Variants in DHRS7B observed in about 807,000 individuals in gnomAD.
DHRS7B encodes dehydrogenase/reductase 7B.
Under a neutral mutation model 26.4 loss-of-function variants are expected in DHRS7B, and 24 were observed. That is an observed-to-expected ratio of 0.91 (90% CI 0.66 to 1.28). The LOEUF (loss-of-function observed/expected upper bound fraction) is 1.28. Among genes scored for constraint, DHRS7B ranks in the 50% most tolerant of loss-of-function variants. The pLI is 0.00. For synonymous variants in DHRS7B, 142 were observed against 166.4 expected, an observed-to-expected ratio of 0.85 and a Z score of 1.13; for missense variants, 368 against 419.4, an observed-to-expected ratio of 0.88 and a Z score of 1.07.
chr17:21,163,996 T>C (rs1974053652), intron 1 of DHRS7B, among the ~76,000 whole-genome samples: 1 of 147,432 alleles, frequency 6.8e-6, no homozygotes, highest in South Asian at 2.2e-4. Context: ...GCTATGCTGC[T>C]CAATCTTGAG....
chr17:21,189,707 G>A (rs1415332878), intron 6 of DHRS7B, among the ~76,000 whole-genome samples: 1 of 152,220 alleles, frequency 6.6e-6, no homozygotes, highest in Non-Finnish European at 1.5e-5. Context: ...GAGGCATGGG[G>A]CTTCATACAG....
chr17:21,181,500 C>T (rs117376633), intron 3 of DHRS7B, among the ~76,000 whole-genome samples: 2,301 of 152,294 alleles, frequency 0.015, 40 homozygotes, highest in South Asian at 0.067. Flanking sequence ...CTTCTTGCCA[C>T]ATCTTAACAT....
At chr17:21,173,568 G>T (rs571383242) in intron 2 of DHRS7B, among the ~76,000 whole-genome samples, 1 of 152,328 alleles carries the variant, frequency 6.6e-6, no homozygotes, top group Non-Finnish European at 1.5e-5. Context: ...GTGGGTCTTT[G>T]TGGTGGAAGT....
At chr17:21,167,471 G>A (rs1321967554) in intron 1 of DHRS7B, among the ~76,000 whole-genome samples, 1 of 152,220 alleles carries the variant, frequency 6.6e-6, no homozygotes, top group Non-Finnish European at 1.5e-5. Flanking sequence ...AGTCTCATCA[G>A]TGTGAGACTG....
chr17:21,147,171 A>G (rs185994487), intron 1 of DHRS7B, among the ~76,000 whole-genome samples: 43 of 152,274 alleles, frequency 2.8e-4, no homozygotes, highest in East Asian at 2.7e-3. Flanking sequence ...GAGGTGCTGA[A>G]CAGAGCTGGG....
intron 5 of DHRS7B, among the ~76,000 whole-genome samples, chr17:21,186,963 G>T (rs1241182802): frequency 6.6e-6 from 1 of 152,106 alleles, no homozygotes; most frequent in Non-Finnish European, 1.5e-5. Flanking sequence ...AACTCACTGG[G>T]GAGGACTAGG....
chr17:21,174,526 T>C (rs1339751454), intron 2 of DHRS7B, among the ~76,000 whole-genome samples: 1 of 152,252 alleles, frequency 6.6e-6, no homozygotes, highest in Non-Finnish European at 1.5e-5. Flanking sequence ...ATATCAGCTT[T>C]TCAATAAATG....
intron 2 of DHRS7B, among the ~76,000 whole-genome samples, chr17:21,173,058 A>G (rs1974296619): frequency 6.6e-6 from 1 of 152,222 alleles, no homozygotes; most frequent in African/African-American, 2.4e-5. Context: ...CTGGTTGGTG[A>G]TAGCTCAGCT....
chr17:21,172,428 C>T, intron 2 of DHRS7B: 1 of 125,920 alleles, frequency 7.9e-6, no homozygotes, highest in Non-Finnish European at 1.5e-5. Context: ...GAGAAGCAGC[C>T]TGGCCCCGGG....
chr17:21,128,726 CGGG>C (rs1973159065), intron 1 of DHRS7B: 1 of 150,870 alleles, frequency 6.6e-6, no homozygotes, highest in Non-Finnish European at 1.5e-5. Context: ...AAAAATTAGC[CGGG>C]CGTGGTGGTG....
chr17:21,148,855 T>C (rs1176190495), intron 1 of DHRS7B, among the ~76,000 whole-genome samples: 1 of 151,890 alleles, frequency 6.6e-6, no homozygotes, highest in African/African-American at 2.4e-5. Context: ...AAACTAAGAA[T>C]TACTGGTGTT....
At chr17:21,179,762 C>CTTTTTTTTTTTTTTTT (rs55928399) in intron 3 of DHRS7B, among the ~76,000 whole-genome samples, 1 of 137,606 alleles carries the variant, frequency 7.3e-6, no homozygotes. Context: ...TTTTCACTTT[C>CTTTTTTTTTTTTTTTT]TTTTTTTTTT....
intron 3 of DHRS7B, among the ~76,000 whole-genome samples, chr17:21,182,061 G>C (rs1225703522): frequency 6.6e-6 from 1 of 152,144 alleles, no homozygotes; most frequent in Non-Finnish European, 1.5e-5. Flanking sequence ...TATGTTATCT[G>C]TGGGTTTTTC....
intron 2 of DHRS7B, among the ~76,000 whole-genome samples, chr17:21,174,676 C>G (rs1410966209): frequency 1.3e-5 from 2 of 152,338 alleles, no homozygotes; most frequent in East Asian, 3.9e-4. Flanking sequence ...GTTTAGACTC[C>G]AGCGGGACTC....
chr17:21,184,517 A>G, intron 5 of DHRS7B, 54 bp downstream of exon 5: 2 of 1,519,174 alleles, frequency 1.3e-6, no homozygotes, highest in Non-Finnish European at 1.8e-6. Context: ...TTTCCTGATT[A>G]TAAAAATAAC....
chr17:21,145,849 G>A (rs554356305), intron 1 of DHRS7B, among the ~76,000 whole-genome samples: 117 of 152,292 alleles, frequency 7.7e-4, no homozygotes, highest in Middle Eastern at 3.4e-3. Context: ...TGTTTAGTAG[G>A]TTAGGTGTAT....
At chr17:21,140,529 CACACA>C (rs1567616910) in intron 1 of DHRS7B, among the ~76,000 whole-genome samples, 1 of 150,558 alleles carries the variant, frequency 6.6e-6, no homozygotes, top group East Asian at 1.9e-4. Context: ...CACACACACA[CACACA>C]CACACCCTGA....
At position 21,172,081 on chromosome 17, in the gene DHRS7B, G is replaced by C; in HGVS notation, c.84G>C (p.Leu28=). 2 of 1,614,244 alleles carry C rather than the reference G, an allele frequency of 1.2e-6. No individual in the cohort carries two copies. The highest frequency in any genetic ancestry group is 1.7e-6 in the Non-Finnish European group (2 of 1,180,050). Reference sequence around the variant, plus strand: ...CCTCCACAGCCATCCTGCCCCTGCTGTTCGGCTGCCTGGGCGTCTTCGGCC... The same window carrying C: ...CCTCCACAGCCATCCTGCCCCTGCTCTTCGGCTGCCTGGGCGTCTTCGGCC... ...FITSTAILPL[L]FGCLGVFGLF... The change falls in exon 2 of 7, where the codon CTG becomes CTC. Residue 28 remains leucine (L), a synonymous_variant. Transcript: ENST00000395511.
chr17:21,168,569 A>G (rs1175562717), intron 1 of DHRS7B, among the ~76,000 whole-genome samples: 1 of 152,058 alleles, frequency 6.6e-6, no homozygotes, highest in Non-Finnish European at 1.5e-5. Context: ...GGATTTCACC[A>G]TGTTGCCCGG....
Sources: allele counts gnomAD v4.1 joint callset (sites outside exome capture counted in the v4.1 genomes callset), GRCh38; gene constraint gnomAD v4.1.1; transcripts MANE v1.5; gene names NCBI Gene and HGNC (gene_info 2026-07-23, HGNC 2026-07-21).